Variants in NBEA observed in about 807,000 individuals in gnomAD.
NBEA encodes neurobeachin, also known as lysosomal-trafficking regulator 2.
A neutral mutation model predicts 343.4 loss-of-function variants in NBEA; 44 were observed. The observed-to-expected ratio is 0.13, with a 90% CI of 0.10 to 0.16. The LOEUF (loss-of-function observed/expected upper bound fraction) is 0.16. NBEA is among the 10% of genes least tolerant of loss of function. NBEA has a pLI of 1.00. For missense variants in NBEA, 2,555 were observed against 3,631.3 expected (o/e 0.70, Z 7.62); for synonymous variants, 1,175 against 1,238.7 (o/e 0.95, Z 1.08).
intron 34 of NBEA, among the ~76,000 whole-genome samples, chr13:35,275,966 G>A (rs112958748): frequency 0.024 from 3,594 of 152,144 alleles, 95 homozygotes; most frequent in African/African-American, 0.064. Flanking sequence ...AAACCTGCAC[G>A]TTGTGTACCT....
At position 35,162,069 on chromosome 13, in the gene NBEA, G is replaced by A; in HGVS notation, c.4079+102G>A. On this transcript the variant is annotated intron_variant, in intron 23 of 58. Transcript: ENST00000379939. ...AAACCAAAAATCTGCCTTGATTAAAGGAATTTCCACATTTTTCTTGTATCT... is the reference window on the plus strand; with the variant it reads ...AAACCAAAAATCTGCCTTGATTAAAAGAATTTCCACATTTTTCTTGTATCT... The A allele has an allele frequency of 5.5e-6, 5 of 902,082 alleles. No homozygotes were observed. The South Asian group carries it at 9.2e-5, about 17-fold the overall frequency. The allele number at this position is 902,082 out of a possible 1,614,324, so 55.9% of individuals were successfully genotyped here.
chr13:35,084,767 C>A (rs1447406696), intron 10 of NBEA, among the ~76,000 whole-genome samples: 2 of 151,972 alleles, frequency 1.3e-5, no homozygotes, highest in East Asian at 3.9e-4. Context: ...ACACAAAAAA[C>A]CCTTCAAAAA....
At chr13:35,435,183 T>C (rs1307096713) in intron 39 of NBEA, among the ~76,000 whole-genome samples, 1 of 152,018 alleles carries the variant, frequency 6.6e-6, no homozygotes, top group East Asian at 1.9e-4. Flanking sequence ...GCTAACTCTT[T>C]TGAATTTTTA....
intron 13 of NBEA, 28 bp from the exon 14 acceptor site, chr13:35,117,385 AT>A: frequency 1.7e-6 from 2 of 1,179,468 alleles, no homozygotes; most frequent in South Asian, 2.9e-5. Flanking sequence ...TGTATTTTTT[AT>A]TTTACTTTTT....
At chr13:35,185,311 T>C (rs755847662) in intron 30 of NBEA, 8 of 151,502 alleles carry the variant, frequency 5.3e-5, no homozygotes, top group Non-Finnish European at 1.2e-4. Context: ...GGTGATACAA[T>C]ACTTCAGTGT....
intron 26 of NBEA, among the ~76,000 whole-genome samples, chr13:35,172,659 G>A (rs2070560439): frequency 1.3e-5 from 2 of 151,982 alleles, no homozygotes; most frequent in South Asian, 4.2e-4. Flanking sequence ...TACCTCCTAT[G>A]CTATTTACTG....
At chr13:35,511,998 G>T (rs955218307) in intron 41 of NBEA, among the ~76,000 whole-genome samples, 7 of 152,128 alleles carry the variant, frequency 4.6e-5, no homozygotes, top group Non-Finnish European at 7.4e-5. Context: ...TACTTTGTTT[G>T]CTTAAAGTAT....
rs781647271 is a variant in NBEA at position 35,076,132 on chromosome 13, A to G, written c.1571+5280A>G. 8.6e-4 allele frequency among the ~76,000 whole-genome samples: 130 copies of G among 152,004 alleles called. 1 individual carries two copies. The highest frequency in any genetic ancestry group is 1.5e-3 in the Non-Finnish European group (101 of 67,846). On this transcript the variant is annotated intron_variant, in intron 10 of 58. Coordinates refer to ENST00000379939, the MANE Select transcript of NBEA (RefSeq NM_001385012.1). ...AATTATTAATTTAGTTTCCAAAAAC[A>G]TTTAAAATATTTGTATTAGGCTATA...
At position 35,010,762 on chromosome 13, in the gene NBEA, A is replaced by G. The variant is rs1314412327; in HGVS notation, c.295-30171A>G. Among the ~76,000 whole-genome samples the G allele has an allele frequency of 1.6e-5, 2 of 126,296 alleles. 1 individual carries two copies. The highest frequency in any genetic ancestry group is 3.2e-5 in the Non-Finnish European group (2 of 61,736). The allele number at this position is 126,296 out of a possible 152,430, so 82.9% of individuals were successfully genotyped here. A position where few individuals can be genotyped will look rare whatever the true frequency, so the allele number is the denominator to read the frequency against. On this transcript the variant is annotated intron_variant, in intron 1 of 58. Transcript: ENST00000379939. ...AAAAAATATATATATATATATATATATATATATATATATATATAAGCTGGG... is the reference window on the plus strand; with the variant it reads ...AAAAAATATATATATATATATATATGTATATATATATATATATAAGCTGGG...
chr13:35,472,596 A>G (rs1594750757), intron 41 of NBEA, 60 bp downstream of exon 41: 3 of 1,606,714 alleles, frequency 1.9e-6, no homozygotes, highest in African/African-American at 1.3e-5. Context: ...GTGGTTTTCA[A>G]TTTTGTTTGG....
At chr13:35,345,967 TGTCAAGA>T (rs2039848854) in intron 36 of NBEA, among the ~76,000 whole-genome samples, 1 of 152,072 alleles carries the variant, frequency 6.6e-6, no homozygotes, top group Non-Finnish European at 1.5e-5. Flanking sequence ...TTCAGAGTGG[TGTCAAGA>T]GTCATGGAAA....
chr13:35,463,907 A>G (rs112656262), intron 40 of NBEA, among the ~76,000 whole-genome samples: 65 of 152,292 alleles, frequency 4.3e-4, no homozygotes, highest in African/African-American at 1.3e-3. Context: ...GAGGAAAGAT[A>G]TATTTCCAGA....
chr13:35,475,106 G>A (rs373370224), intron 41 of NBEA: 333 of 1,614,012 alleles, frequency 2.1e-4, no homozygotes, highest in Non-Finnish European at 2.7e-4. Context: ...TCTCTTGCCA[G>A]TCGCCACGTT....
At chr13:35,500,717 T>A (rs2076855945) in intron 41 of NBEA, among the ~76,000 whole-genome samples, 1 of 149,504 alleles carries the variant, frequency 6.7e-6, no homozygotes, top group Non-Finnish European at 1.5e-5. Flanking sequence ...GGCTCTTCTT[T>A]TTTTTTTTTT....
Position 35,550,557 on chromosome 13 carries a change from A to G in NBEA, c.6666A>G (p.Leu2222=). 2 of 1,613,226 alleles carry G rather than the reference A, an allele frequency of 1.2e-6. No individual in the cohort carries two copies. The highest frequency in any genetic ancestry group is 1.1e-5 in the South Asian group (1 of 91,014). The change falls in exon 42 of 59, where the codon CTA becomes CTG. Residue 2222 remains leucine, a synonymous_variant. Coordinates refer to ENST00000379939, the MANE Select transcript of NBEA (RefSeq NM_001385012.1). Reference sequence around the variant, plus strand: ...CTGTATTTTCAAGACGTTACCTTCTACAAAACACTGCTTTGGAAGTATTTA... The same window carrying G: ...CTGTATTTTCAAGACGTTACCTTCTGCAAAACACTGCTTTGGAAGTATTTA... The part of the protein sequence containing the change: ...IRAVFSRRYL[L]QNTALEVFMA...
intron 14 of NBEA, 64 bp downstream of exon 14, chr13:35,117,557 T>A: frequency 1.3e-6 from 1 of 764,454 alleles, no homozygotes; most frequent in South Asian, 4.5e-5. Context: ...TCTGGCATGT[T>A]TTAAAATTAT....
intron 1 of NBEA, among the ~76,000 whole-genome samples, chr13:34,992,130 T>C (rs2060773602): frequency 6.6e-6 from 1 of 150,816 alleles, no homozygotes; most frequent in African/African-American, 2.4e-5. Context: ...ACAAGTTTTT[T>C]GAATTTTTAA....
At chr13:35,197,711 C>G (rs190383070) in intron 31 of NBEA, among the ~76,000 whole-genome samples, 323 of 152,154 alleles carry the variant, frequency 2.1e-3, no homozygotes, top group African/African-American at 7.2e-3. Context: ...ACATCTTGGC[C>G]AGGCTGGTCT....
At chr13:35,131,075 A>G (rs2067397838) in intron 17 of NBEA, among the ~76,000 whole-genome samples, 1 of 152,132 alleles carries the variant, frequency 6.6e-6, no homozygotes, top group Non-Finnish European at 1.5e-5. Context: ...TTACCTCATT[A>G]ATTGTCAGCC....
Sources: gnomAD v4.1 joint callset for allele counts (sites outside exome capture counted in the v4.1 genomes callset) on GRCh38, gnomAD v4.1.1 for gene constraint, MANE v1.5 for transcripts, NCBI Gene and HGNC (gene_info 2026-07-23, HGNC 2026-07-21) for gene names.